IGSF1: variants seen among roughly 807,000 people sequenced by gnomAD.
IGSF1 encodes the protein immunoglobulin superfamily member 1.
In IGSF1, 40 loss-of-function variants were observed where a neutral mutation model predicts 95.3. That is an observed-to-expected ratio of 0.42 (90% CI 0.33 to 0.55). IGSF1 has a LOEUF of 0.55. Among genes scored for constraint, IGSF1 ranks in the 20% least tolerant of loss-of-function variants. The pLI is 0.10. For synonymous variants in IGSF1, 372 were observed against 382.9 expected (o/e 0.97, Z 0.33); for missense variants, 906 against 1,025.4 (o/e 0.88, Z 1.59).
At chrX:131,285,615 TC>T (rs1332649935) in intron 4 of IGSF1, 149 bp from the exon 5 acceptor site, 1 of 813,439 alleles carries the variant, frequency 1.2e-6, no homozygotes, top group Non-Finnish European at 1.7e-6. Context: ...AGAGTCTGCA[TC>T]CCCCCTCTGC....
Position 131,277,925 on chromosome X carries a change from G to A in IGSF1, c.2251C>T (p.Arg751Cys). The A allele has an allele frequency of 8.3e-7, 1 of 1,210,557 alleles. No individual in the cohort carries two copies. The highest frequency in any genetic ancestry group is 1.1e-6 in the Non-Finnish European group (1 of 895,037). The change falls in exon 13 of 20, where the codon CGC becomes TGC. Residue 751 changes from arginine to cysteine, a missense_variant. Coordinates refer to ENST00000361420, the MANE Select transcript of IGSF1 (RefSeq NM_001555.5). ...AAGGGGCGTTTTTCAGTGTGAGTGC[G>A]GCAGCTGTAATTGCCTTCGTCTTTA... Reference protein sequence around the residue: ...EDKDEGNYSCRTHTEKRPFKW... With the variant: ...EDKDEGNYSCCTHTEKRPFKW...
chrX:131,283,552 A>G (rs1200852234), intron 5 of IGSF1, among the ~76,000 whole-genome samples: 6 of 111,887 alleles, frequency 5.4e-5, no homozygotes, highest in Non-Finnish European at 1.1e-4. Context: ...GGCCCCTGAA[A>G]TGCCAAATGT....
intron 9 of IGSF1, chrX:131,280,961 T>C (rs997034479): frequency 3.4e-6 from 1 of 291,698 alleles, no homozygotes; most frequent in African/African-American, 2.7e-5. Flanking sequence ...TTGGGCACCC[T>C]CCGGGGGGGA....
chrX:131,277,822 GC>G, intron 13 of IGSF1, 33 bp downstream of exon 13: 1 of 1,171,858 alleles, frequency 8.5e-7, no homozygotes. Flanking sequence ...CCTCCACCCT[GC>G]CCCCTTTCCT....
chrX:131,274,350 G>A, intron 18 of IGSF1, 144 bp from the exon 19 acceptor site: 1 of 821,576 alleles, frequency 1.2e-6, no homozygotes, highest in Non-Finnish European at 1.7e-6. Flanking sequence ...GTGGGCAGTG[G>A]CAGAGTTTAT....
rs1443269466 is a variant in IGSF1, at chrX:131,281,710, A to G, written c.1481T>C (p.Ile494Thr). ...CAGGGGCTCACTGCGATGTGACCAG[A>G]TGTTAGGATGTGTCTCTACGCGATA... ...CSYRVETHPN[I>T]WSHRSEPLKL... Residue 494 changes from isoleucine to threonine, a missense_variant, in exon 8 of 20, where the codon ATC (isoleucine) becomes ACC (threonine). This residue lies in a region of IGSF1 where 442 missense variants were observed against 448.1 expected (regional missense o/e 0.99). Transcript: ENST00000361420. The G allele has an allele frequency of 8.3e-7, 1 of 1,209,023 alleles. No individual in the cohort carries two copies. The highest frequency in any genetic ancestry group is 2.2e-5 in the Admixed American group (1 of 45,725).
At chrX:131,278,330 C>G in intron 12 of IGSF1, 131 bp downstream of exon 12, 1 of 678,183 alleles carries the variant, frequency 1.5e-6, no homozygotes, top group East Asian at 3.2e-5. Flanking sequence ...CAGTGCCCCT[C>G]CTCTCCTACA....
intron 1 of IGSF1, among the ~76,000 whole-genome samples, chrX:131,288,212 C>T (rs1287676845): frequency 8.9e-6 from 1 of 112,415 alleles, no homozygotes; most frequent in Non-Finnish European, 1.9e-5. Flanking sequence ...ATCGACCTAA[C>T]ATTATTGTTG....
At chrX:131,280,779 C>G (rs1440447493) in intron 9 of IGSF1, among the ~76,000 whole-genome samples, 4 of 111,911 alleles carry the variant, frequency 3.6e-5, no homozygotes, top group Non-Finnish European at 1.9e-5. Context: ...GGATGCGTCA[C>G]AAGGCTTAAT....
rs1249668861 is a variant in IGSF1 at position 131,284,911 on chromosome X, G to C, written c.667+268C>G. ...TGAATGAATGCATGATATTCAACAA[G>C]TTGAGAACAACAAAGCTGTGATGAG... is the stretch of plus-strand genomic sequence containing the variant. On this transcript the variant is annotated intron_variant, in intron 5 of 19. Coordinates refer to ENST00000361420, the MANE Select transcript of IGSF1 (RefSeq NM_001555.5). 1.1e-5 allele frequency: 8 copies of C among 748,671 alleles called. No individual in the cohort carries two copies. In the Admixed American group the frequency reaches 4.4e-4, roughly 41 times the overall value. The allele number at this position is 748,671 out of a possible 1,213,427, so 61.7% of individuals were successfully genotyped here. A position where few individuals can be genotyped will look rare whatever the true frequency, so the allele number is the denominator to read the frequency against.
rs751164808 is a variant in IGSF1 at position 131,276,145 on chromosome X, G to A, written c.2712C>T (p.Phe904=). 1.3e-5 allele frequency: 16 copies of A among 1,210,037 alleles called. No homozygotes were observed. The Admixed American group carries it at 3.1e-4, about 23-fold the overall frequency. ...CATGGGCTCCCTCCTGCAAGAGGGC[G>A]AACCTCATGCCCTGGAAAGTCCCTT... ...RCQGTFQGMR[F]ALLQEGAHVP... is the part of the protein sequence containing the mutation. The change falls in exon 15 of 20, where the codon TTC becomes TTT. Residue 904 remains phenylalanine (F), a synonymous_variant. Coordinates refer to ENST00000361420, the MANE Select transcript of IGSF1 (RefSeq NM_001555.5).
At chrX:131,289,396 G>A, upstream of IGSF1, 1 of 359,662 alleles carries the variant, frequency 2.8e-6, no homozygotes, top group South Asian at 2.5e-5. Context: ...GCCGGGCTCG[G>A]GGAGCCCACC....
intron 19 of IGSF1, 22 bp from the exon 20 acceptor site, chrX:131,273,953 A>G: frequency 8.3e-7 from 1 of 1,206,513 alleles, no homozygotes; most frequent in Non-Finnish European, 1.1e-6. Context: ...AAAAGACATG[A>G]GTAAGGGAGG....
rs1398531035 is a variant in IGSF1, at chrX:131,276,189, T to A, written c.2668A>T (p.Ser890Cys). 2 of 1,210,112 alleles carry A rather than the reference T, an allele frequency of 1.7e-6. No homozygotes were observed. Among genetic ancestry groups the A allele is most frequent in the Admixed American group, 4.4e-5 (2 of 45,711 alleles). The stretch of plus-strand genomic sequence containing the variant: ...GTCCCTTGGCAGCGCAGGATCACAC[T>A]CTTCCCAGGAAACACCACAGGACCT... ...QPGPVVFPGK[S>C]VILRCQGTFQ... Residue 890 changes from serine to cysteine, a missense_variant, in exon 15 of 20, where the codon AGT becomes TGT. This residue lies in a region of IGSF1 where 411 missense variants were observed against 494.9 expected (regional missense o/e 0.83). Transcript: ENST00000361420.
In IGSF1 at chrX:131,275,019, G is replaced by C; in HGVS notation, c.3452C>G (p.Ser1151Cys). 8.3e-7 allele frequency: 1 copy of C among 1,211,320 alleles called. No homozygotes were observed. The highest frequency in any genetic ancestry group is 1.7e-5 in the African/African-American group (1 of 57,787). The change falls in exon 17 of 20, where the codon TCC becomes TGC. Residue 1151 changes from serine to cysteine, a missense_variant. Coordinates refer to ENST00000361420, the MANE Select transcript of IGSF1 (RefSeq NM_001555.5). ...CTTACCAGTCACCCAGATCTCCAGG[G>C]AGTCACTGTGATTTGAAGCTGCAAA... Reference protein sequence around the residue: ...TPFAASNHSDSLEIWVTDKPP... With the variant: ...TPFAASNHSDCLEIWVTDKPP...
upstream of IGSF1, chrX:131,289,342 C>CCCCG: frequency 2.7e-6 from 1 of 369,384 alleles, no homozygotes; most frequent in Non-Finnish European, 5.3e-6. Context: ...TTCCTCTCTC[C>CCCCG]CCCGCCCGCC....
At chrX:131,278,823 T>G (rs770016047) in intron 11 of IGSF1, 72 bp from the exon 12 acceptor site, 413 of 974,059 alleles carry the variant, frequency 4.2e-4, no homozygotes, top group Non-Finnish European at 1.5e-4. Flanking sequence ...CCTTGAACCC[T>G]CTACCCAGAT....
intron 8 of IGSF1, 45 bp downstream of exon 8, chrX:131,281,621 C>T: frequency 8.6e-7 from 1 of 1,167,055 alleles, no homozygotes; most frequent in Non-Finnish European, 1.2e-6. Flanking sequence ...GATCTGGGAT[C>T]CCTGGGGTAT....
chrX:131,274,282 C>T (rs2124076547), intron 18 of IGSF1, 76 bp from the exon 19 acceptor site: 1 of 1,144,836 alleles, frequency 8.7e-7, no homozygotes. Context: ...GGTATTGCCC[C>T]ACACTCTGGC....
Sources: allele counts gnomAD v4.1 joint callset (sites outside exome capture counted in the v4.1 genomes callset), GRCh38; gene constraint gnomAD v4.1.1; regional missense constraint gnomAD v4.1.1; transcripts MANE v1.5; gene names NCBI Gene and HGNC (gene_info 2026-07-23, HGNC 2026-07-21).